TRAPPC8: variants seen among roughly 807,000 people sequenced by gnomAD.
The protein encoded by TRAPPC8 is general sporulation gene 1 homolog.
In TRAPPC8, 54 loss-of-function variants were observed where a neutral mutation model predicts 174.3. The observed-to-expected ratio is 0.31, with a 90% CI of 0.25 to 0.39. TRAPPC8 has a LOEUF of 0.39. TRAPPC8 is among the 10% of genes least tolerant of loss of function. The pLI is 1.00. For synonymous variants in TRAPPC8, 630 were observed against 579.9 expected, an observed-to-expected ratio of 1.09 and a Z score of -1.24; for missense variants, 1,531 against 1,699.1, an observed-to-expected ratio of 0.90 and a Z score of 1.74.
At chr18:31,841,334 T>A (rs1203625121) in intron 26 of TRAPPC8, among the ~76,000 whole-genome samples, 1 of 152,050 alleles carries the variant, frequency 6.6e-6, no homozygotes, top group Non-Finnish European at 1.5e-5. Context: ...GATATTTTGC[T>A]TTTTTGCAAT....
chr18:31,940,259 G>A (rs774939818), intron 1 of TRAPPC8, among the ~76,000 whole-genome samples: 1 of 151,946 alleles, frequency 6.6e-6, no homozygotes, highest in Non-Finnish European at 1.5e-5. Flanking sequence ...GGCGGACCAC[G>A]AGGTCAGGAG....
intron 18 of TRAPPC8, 97 bp downstream of exon 18, chr18:31,866,752 T>G: frequency 7.1e-7 from 1 of 1,417,020 alleles, no homozygotes; most frequent in Non-Finnish European, 9.5e-7. Context: ...TAACGATACA[T>G]TAAACCTATT....
rs201057143 is a variant in TRAPPC8, at chr18:31,832,099, C to G, written c.4058G>C (p.Arg1353Pro). The G allele has an allele frequency of 6.5e-7, 1 of 1,543,928 alleles. No individual in the cohort carries two copies. Among genetic ancestry groups the G allele is most frequent in the African/African-American group, 1.4e-5 (1 of 70,286 alleles). ...KADVDVIVDL[R>P]HKTTSPEALE... ...AAATCTTTACCTTGTTGTTTTATGC[C>G]GAAGATCAACTATGACATCTACATC... The change falls in exon 28 of 29, where the codon CGG becomes CCG. Residue 1353 changes from arginine (R) to proline (P), a missense_variant. Coordinates refer to ENST00000283351, the MANE Select transcript of TRAPPC8 (RefSeq NM_014939.5).
chr18:31,893,299 G>C (rs2036039091), intron 11 of TRAPPC8, among the ~76,000 whole-genome samples: 1 of 152,036 alleles, frequency 6.6e-6, no homozygotes. Flanking sequence ...TGCCTTTATA[G>C]TGTCAAGATA....
At position 31,866,775 on chromosome 18, in the gene TRAPPC8, C is replaced by A. The variant is rs557996602; in HGVS notation, c.2590+74G>T. Reference sequence around the variant, plus strand: ...CATTAAACCTATTTAGAAAATACATCATTTTTGTCCATTTTATTCTATGGA... The same window carrying A: ...CATTAAACCTATTTAGAAAATACATAATTTTTGTCCATTTTATTCTATGGA... On this transcript the variant is annotated intron_variant, in intron 18 of 28. Coordinates refer to ENST00000283351, the MANE Select transcript of TRAPPC8 (RefSeq NM_014939.5). The A allele has an allele frequency of 4.0e-6, 6 of 1,516,396 alleles. No homozygotes were observed. In the Admixed American group the frequency reaches 5.9e-5, roughly 15 times the overall value. The allele number at this position is 1,516,396 out of a possible 1,614,324, so 93.9% of individuals were successfully genotyped here. A position where few individuals can be genotyped will look rare whatever the true frequency, so the allele number is the denominator to read the frequency against.
At chr18:31,840,057 T>C (rs1323529381) in intron 26 of TRAPPC8, among the ~76,000 whole-genome samples, 1 of 152,154 alleles carries the variant, frequency 6.6e-6, no homozygotes, top group African/African-American at 2.4e-5. Flanking sequence ...AAATAATCAT[T>C]ATCATCTAAT....
chr18:31,886,027 T>TG (rs1266427044), intron 12 of TRAPPC8, among the ~76,000 whole-genome samples: 2 of 150,390 alleles, frequency 1.3e-5, no homozygotes, highest in Non-Finnish European at 3.0e-5. Flanking sequence ...TATTTTGAGA[T>TG]GGAGTTTTGC....
intron 12 of TRAPPC8, among the ~76,000 whole-genome samples, chr18:31,876,489 CAAAAAAAAAAAA>C (rs71175801): frequency 2.1e-5 from 1 of 48,722 alleles, no homozygotes; most frequent in African/African-American, 9.4e-5. Flanking sequence ...GACTCCATCT[CAAAAAAAAAAAA>C]AAAAAAAAAA....
chr18:31,867,816 T>G (rs1205207388), intron 16 of TRAPPC8, among the ~76,000 whole-genome samples: 1 of 151,540 alleles, frequency 6.6e-6, no homozygotes, highest in Non-Finnish European at 1.5e-5. Context: ...GAGGTGGAGG[T>G]TGCAGTGAGT....
intron 11 of TRAPPC8, 66 bp from the exon 12 acceptor site, chr18:31,890,932 A>G: frequency 6.8e-7 from 1 of 1,470,588 alleles, no homozygotes; most frequent in South Asian, 1.3e-5. Context: ...ATAACTAGTG[A>G]AAAAAACATT....
At chr18:31,879,937 G>A (rs2035334870) in intron 12 of TRAPPC8, among the ~76,000 whole-genome samples, 1 of 146,812 alleles carries the variant, frequency 6.8e-6, no homozygotes, top group Non-Finnish European at 1.5e-5. Flanking sequence ...ATCTTGAATA[G>A]GTCATTAAGT....
intron 2 of TRAPPC8, among the ~76,000 whole-genome samples, chr18:31,929,663 C>T (rs922206310): frequency 1.3e-5 from 2 of 152,048 alleles, no homozygotes; most frequent in African/African-American, 4.8e-5. Flanking sequence ...GAGACCCTGT[C>T]ACAAAAAATA....
At position 31,874,630 on chromosome 18, in the gene TRAPPC8, A is replaced by T. The variant is rs1568073704; in HGVS notation, c.1803T>A (p.Asp601Glu). ...GGCGCCCAATAGTGAAATTAATGTGATCCTCTGCAAGAGACCAGCCTTTTC... is the reference window on the plus strand; with the variant it reads ...GGCGCCCAATAGTGAAATTAATGTGTTCCTCTGCAAGAGACCAGCCTTTTC... ...YKGKGWSLAE[D>E]HINFTIGRQS... The change falls in exon 13 of 29, where the codon GAT becomes GAA. Residue 601 changes from aspartate (D) to glutamate (E), a missense_variant. By Grantham distance (45) the Asp-to-Glu change is conservative (BLOSUM62 2). Coordinates refer to ENST00000283351, the MANE Select transcript of TRAPPC8 (RefSeq NM_014939.5). 6.2e-7 allele frequency: 1 copy of T among 1,613,998 alleles called. No individual in the cohort carries two copies. Among genetic ancestry groups the T allele is most frequent in the Non-Finnish European group, 8.5e-7 (1 of 1,180,008 alleles).
intron 10 of TRAPPC8, 41 bp downstream of exon 10, chr18:31,900,884 C>T (rs368953107): frequency 7.0e-7 from 1 of 1,420,414 alleles, no homozygotes; most frequent in African/African-American, 1.5e-5. Flanking sequence ...AACAAACTGA[C>T]CTTTAACTGG....
chr18:31,931,496 A>G lies in TRAPPC8; in HGVS notation c.185T>C (p.Leu62Pro), dbSNP rs2037843657. ...TATCTTCAAATTTTTAATTACGTGAAGTTGATTATTAGGATCTCTCATGTG... is the reference window on the plus strand; with the variant it reads ...TATCTTCAAATTTTTAATTACGTGAGGTTGATTATTAGGATCTCTCATGTG... The part of the protein sequence containing the change: ...EVHMRDPNNQ[L>P]HVIKNLKIAV... Residue 62 changes from leucine (L) to proline (P), a missense_variant, in exon 2 of 29, where the codon CTT becomes CCT. Leu to Pro is a moderately conservative substitution (Grantham distance 98, BLOSUM62 -3). Transcript: ENST00000283351. 1 of 1,602,602 alleles carries G rather than the reference A, an allele frequency of 6.2e-7. No individual in the cohort carries two copies. The highest frequency in any genetic ancestry group is 8.5e-7 in the Non-Finnish European group (1 of 1,175,290).
intron 2 of TRAPPC8, among the ~76,000 whole-genome samples, chr18:31,921,132 A>C (rs962210110): frequency 1.3e-5 from 2 of 152,158 alleles, no homozygotes; most frequent in Non-Finnish European, 1.5e-5. Context: ...TATTAAGTGA[A>C]AAAAGCGACA....
At chr18:31,867,347 T>C (rs2034635138) in intron 17 of TRAPPC8, 55 bp downstream of exon 17, 1 of 1,192,872 alleles carries the variant, frequency 8.4e-7, no homozygotes, top group Non-Finnish European at 1.2e-6. Flanking sequence ...TTTAAAAATT[T>C]GTTTTCACCT....
intron 5 of TRAPPC8, among the ~76,000 whole-genome samples, chr18:31,913,063 G>A (rs763953724): frequency 6.6e-6 from 1 of 151,894 alleles, no homozygotes; most frequent in Admixed American, 6.6e-5. Flanking sequence ...GAGAGGCGGA[G>A]GTTGCAGTGA....
intron 12 of TRAPPC8, among the ~76,000 whole-genome samples, chr18:31,889,108 T>A (rs949690851): frequency 6.6e-6 from 1 of 152,260 alleles, no homozygotes; most frequent in South Asian, 2.1e-4. Context: ...TTCCACAAAC[T>A]GTACTGTTTT....
Sources: allele counts gnomAD v4.1 joint callset (sites outside exome capture counted in the v4.1 genomes callset), GRCh38; gene constraint gnomAD v4.1.1; transcripts MANE v1.5; gene names NCBI Gene and HGNC (gene_info 2026-07-23, HGNC 2026-07-21).